The following SPTBN4 variants were observed in gnomAD, a reference collection of about 807,000 sequenced individuals.
SPTBN4 encodes spectrin beta chain, non-erythrocytic 4.
In SPTBN4, 96 loss-of-function variants were observed where a neutral mutation model predicts 277.8. The observed-to-expected ratio is 0.35, with a 90% CI of 0.29 to 0.41. SPTBN4 has a LOEUF of 0.41. Among genes scored for constraint, SPTBN4 ranks in the 10% least tolerant of loss-of-function variants. SPTBN4 has a pLI of 1.00. For missense variants in SPTBN4, 3,006 were observed against 3,595.7 expected, an observed-to-expected ratio of 0.84 and a Z score of 4.19; for synonymous variants, 1,481 against 1,580.3, an observed-to-expected ratio of 0.94 and a Z score of 1.49.
chr19:40,572,993 G>T (rs1347700524), intron 35 of SPTBN4, among the ~76,000 whole-genome samples: 1 of 151,900 alleles, frequency 6.6e-6, no homozygotes, highest in Non-Finnish European at 1.5e-5. Context: ...GTGATTCAGA[G>T]GGACAGTGGG....
chr19:40,556,375 T>C (rs2080979120), intron 25 of SPTBN4, 87 bp downstream of exon 25: 1 of 1,207,590 alleles, frequency 8.3e-7, no homozygotes, highest in Non-Finnish European at 1.2e-6. Flanking sequence ...ATGAGGATAA[T>C]AACAGCACCC....
chr19:40,485,200 A>G (rs1308790301), intron 2 of SPTBN4, among the ~76,000 whole-genome samples: 3 of 152,004 alleles, frequency 2.0e-5, no homozygotes, highest in Non-Finnish European at 4.4e-5. Flanking sequence ...CCCAAGCTGG[A>G]GTGCAGTGGC....
chr19:40,477,028 A>G (rs1158728671), intron 2 of SPTBN4, among the ~76,000 whole-genome samples: 3 of 147,180 alleles, frequency 2.0e-5, no homozygotes, highest in Admixed American at 1.4e-4. Flanking sequence ...TGTAGAATTT[A>G]TTATTATTAT....
Position 40,508,200 on chromosome 19 carries a change from C to T in SPTBN4, c.1816+1814C>T, listed in dbSNP as rs184598752. On this transcript the variant is annotated intron_variant, in intron 13 of 35. Transcript: ENST00000598249. ...TAGACTGAAAAAGAGGAGAGAGGGA[C>T]GGCCTTACCAGATATGGATGGGACA... 2.6e-5 allele frequency among the ~76,000 whole-genome samples: 4 copies of T among 152,266 alleles called. No individual in the cohort carries two copies. The East Asian group carries it at 5.8e-4, about 22-fold the overall frequency.
intron 1 of SPTBN4, among the ~76,000 whole-genome samples, chr19:40,470,043 G>A (rs920284069): frequency 2.6e-5 from 4 of 151,794 alleles, no homozygotes; most frequent in Non-Finnish European, 4.4e-5. Flanking sequence ...CTGTCGCCCA[G>A]GCTGGAGTGC....
In SPTBN4 at chr19:40,557,321, C is replaced by G. The variant is rs140466069; in HGVS notation, c.5588C>G (p.Pro1863Arg). The change falls in exon 26 of 36, where the codon CCG becomes CGG. Residue 1863 changes from proline to arginine, a missense_variant. Around this residue, in one of 5 missense-constraint regions of SPTBN4, gnomAD observed 425 missense variants for 594.7 expected, o/e 0.71. Transcript: ENST00000598249. The stretch of plus-strand genomic sequence containing the variant: ...AGGCGGCTGCCCCGCCTGACCACCC[C>G]GCCTGAGCCGAGACCCAGTGCCAGT... ...KRRRLPRLTT[P>R]PEPRPSASSM... 404 of 1,613,170 alleles carry G rather than the reference C, an allele frequency of 2.5e-4. 2 individuals carry two copies. The highest frequency in any genetic ancestry group is 3.3e-4 in the Non-Finnish European group (388 of 1,179,718).
Position 40,515,398 on chromosome 19 carries a change from C to T in SPTBN4, c.2853C>T (p.Gly951=), listed in dbSNP as rs150475558. Reference sequence around the variant, plus strand: ...CAGTCCAGGAGCTGGTGGAAGGAGGCCACCCCAGTTCAGATGAGGTGCGTT... The same window carrying T: ...CAGTCCAGGAGCTGGTGGAAGGAGGTCACCCCAGTTCAGATGAGGTGCGTT... ...NHTVQELVEG[G]HPSSDEVRSC... is the part of the protein sequence containing the mutation. Residue 951 remains glycine, a synonymous_variant, in exon 15 of 36, where the codon GGC becomes GGT. Transcript: ENST00000598249. The surrounding 1 kb of genome is among the most constrained non-coding windows in gnomAD (Gnocchi z 4.1). 221 of 1,595,432 alleles carry T rather than the reference C, an allele frequency of 1.4e-4. 1 individual carries two copies. In the African/African-American group the frequency reaches 2.6e-3, roughly 19 times the overall value.
rs913429083 is a variant in SPTBN4, at chr19:40,482,023, G to A, written c.170-5674G>A. Among the ~76,000 whole-genome samples the A allele has an allele frequency of 4.0e-5, 6 of 150,914 alleles. 1 individual carries two copies. The highest frequency in any genetic ancestry group is 2.0e-4 in the East Asian group (1 of 5,114). ...ACGATCTCAGCTCACTGCAACCTCCGCCTCCCAAGTTCAAGCAATTCTCCT... is the reference window on the plus strand; with the variant it reads ...ACGATCTCAGCTCACTGCAACCTCCACCTCCCAAGTTCAAGCAATTCTCCT... On this transcript the variant is annotated intron_variant, in intron 2 of 35. Transcript: ENST00000598249.
intron 22 of SPTBN4, among the ~76,000 whole-genome samples, chr19:40,552,376 A>G (rs1195478939): frequency 6.6e-6 from 1 of 150,658 alleles, no homozygotes; most frequent in Non-Finnish European, 1.5e-5. Context: ...AATCGCTTGA[A>G]CCTAGGAGGC....
Position 40,554,609 on chromosome 19 carries a change from C to A in SPTBN4, c.5047C>A (p.Gln1683Lys). 6.4e-7 allele frequency: 1 copy of A among 1,568,548 alleles called. No homozygotes were observed. Among genetic ancestry groups the A allele is most frequent in the South Asian group, 1.2e-5 (1 of 84,408 alleles). The change falls in exon 24 of 36, where the codon CAG becomes AAG. Residue 1683 changes from glutamine (Q) to lysine (K), a missense_variant. This residue lies in a region of SPTBN4 where 425 missense variants were observed against 594.7 expected (regional missense o/e 0.71). Transcript: ENST00000598249. The surrounding 1 kb of genome is among the most constrained non-coding windows in gnomAD (Gnocchi z 5.7). ...YEESIAQLSR[Q>K]CRALLEMGHP... ...GGAAAGCATCGCGCAGCTGTCGCGC[C>A]AGTGCCGGGCGCTGCTGGAGATGGG...
At chr19:40,509,582 G>C (rs1183817688) in intron 13 of SPTBN4, among the ~76,000 whole-genome samples, 1 of 152,152 alleles carries the variant, frequency 6.6e-6, no homozygotes, top group African/African-American at 2.4e-5. Flanking sequence ...ACGATGGCTA[G>C]CCCTGAGTGC....
chr19:40,511,495 T>C (rs775691645), intron 13 of SPTBN4, among the ~76,000 whole-genome samples: 1 of 152,226 alleles, frequency 6.6e-6, no homozygotes, highest in Non-Finnish European at 1.5e-5. Flanking sequence ...ATATTTTCCG[T>C]TCCTTCTATT....
At position 40,519,315 on chromosome 19, in the gene SPTBN4, G is replaced by T. The variant is rs76311470; in HGVS notation, c.2904-86G>T. On this transcript the variant is annotated intron_variant, in intron 15 of 35. Coordinates refer to ENST00000598249, the MANE Select transcript of SPTBN4 (RefSeq NM_020971.3). This position sits in a 1 kb window ranked among gnomAD's most constrained non-coding sequence, Gnocchi z 5.7. ...GTCACACAGTGGCTGGGTGGCTTGG[G>T]CCTGGATTCTACCCTGGGTCGGCGG... 35,670 of 1,346,298 alleles carry T rather than the reference G, an allele frequency of 0.026. 595 individuals carry two copies. Among genetic ancestry groups the T allele is most frequent in the African/African-American group, 0.07 (4,631 of 66,016 alleles). The allele number at this position is 1,346,298 out of a possible 1,614,324, so 83.4% of individuals were successfully genotyped here.
At chr19:40,524,690 G>C (rs756474764) in intron 17 of SPTBN4, 4 of 448,292 alleles carry the variant, frequency 8.9e-6, no homozygotes, top group Non-Finnish European at 1.8e-5. Context: ...CAAATATTTT[G>C]CATAAGCACC....
chr19:40,551,733 C>T (rs2080919895), intron 22 of SPTBN4, among the ~76,000 whole-genome samples: 1 of 152,218 alleles, frequency 6.6e-6, no homozygotes, highest in Admixed American at 6.5e-5. Context: ...GTGGCTCATG[C>T]CTGTAATCCC....
At position 40,566,144 on chromosome 19, in the gene SPTBN4, C is replaced by T. The variant is rs2081089708; in HGVS notation, c.6140-19C>T. ...GCCCCAGATGCCCCAGAATCCTTACCCTGCATGCCCCTCCTCAGTGCTGGA... is the reference window on the plus strand; with the variant it reads ...GCCCCAGATGCCCCAGAATCCTTACTCTGCATGCCCCTCCTCAGTGCTGGA... On this transcript the variant is annotated intron_variant, in intron 29 of 35. Transcript: ENST00000598249. The T allele has an allele frequency of 6.8e-7, 1 of 1,476,258 alleles. No individual in the cohort carries two copies. 91.4% of individuals were successfully genotyped at this position (1,476,258 alleles called of 1,614,324 possible). A position where few individuals can be genotyped will look rare whatever the true frequency, so the allele number is the denominator to read the frequency against.
intron 17 of SPTBN4, among the ~76,000 whole-genome samples, chr19:40,528,420 C>G (rs1289711289): frequency 1.3e-5 from 2 of 152,212 alleles, no homozygotes; most frequent in Non-Finnish European, 2.9e-5. Context: ...GCTGTCATCT[C>G]TCCCCACACT....
intron 1 of SPTBN4, among the ~76,000 whole-genome samples, chr19:40,471,770 G>A (rs528797510): frequency 3.3e-5 from 5 of 152,056 alleles, no homozygotes; most frequent in African/African-American, 1.2e-4. Flanking sequence ...ACAGTTTCTG[G>A]CTCTGCTGCC....
chr19:40,502,569 T>G lies in SPTBN4; in HGVS notation c.1203+62T>G. ...CTGTGGAGTTGTATAGGTTGCACAC[T>G]GCTCAAGGGAATCATTCACATTGTA... On this transcript the variant is annotated intron_variant, in intron 10 of 35. Transcript: ENST00000598249. This position sits in a 1 kb window ranked among gnomAD's most constrained non-coding sequence, Gnocchi z 4.9. 1 of 1,490,086 alleles carries G rather than the reference T, an allele frequency of 6.7e-7. No individual in the cohort carries two copies. Among genetic ancestry groups the G allele is most frequent in the Non-Finnish European group, 9.1e-7 (1 of 1,099,886 alleles). 92.3% of individuals were successfully genotyped at this position (1,490,086 alleles called of 1,614,324 possible). A position where few individuals can be genotyped will look rare whatever the true frequency, so the allele number is the denominator to read the frequency against.
Sources: allele counts gnomAD v4.1 joint callset (sites outside exome capture counted in the v4.1 genomes callset), GRCh38; gene constraint gnomAD v4.1.1; regional missense constraint gnomAD v4.1.1; non-coding constraint Gnocchi (gnomAD v3.1); transcripts MANE v1.5; gene names NCBI Gene and HGNC (gene_info 2026-07-23, HGNC 2026-07-21).